The following CCSER1 variants were observed in gnomAD, a reference collection of about 807,000 sequenced individuals.
The protein encoded by CCSER1 is coiled-coil serine rich protein 1, also known as serine-rich coiled-coil domain-containing protein 1.
CCSER1 carries 41 observed loss-of-function variants against 82.0 expected under a neutral mutation model. That is an observed-to-expected ratio of 0.50 (90% CI 0.39 to 0.65). The LOEUF (loss-of-function observed/expected upper bound fraction) is 0.65, where lower values mean the gene tolerates loss of function less well. Among genes scored for constraint, CCSER1 ranks in the 30% least tolerant of loss-of-function variants. The pLI is 0.00. For synonymous variants in CCSER1, 414 were observed against 383.9 expected, an observed-to-expected ratio of 1.08 and a Z score of -0.92; for missense variants, 1,119 against 1,064.2, an observed-to-expected ratio of 1.05 and a Z score of -0.72.
intron 1 of CCSER1, 81 bp from the exon 2 acceptor site, chr4:90,308,163 G>A (rs546558939): frequency 5.4e-5 from 58 of 1,072,224 alleles, no homozygotes; most frequent in South Asian, 1.5e-4. Flanking sequence ...TTTGTGTCTC[G>A]AAAAGCAATA....
chr4:90,230,037 C>A (rs1364430552), intron 1 of CCSER1, among the ~76,000 whole-genome samples: 1 of 152,134 alleles, frequency 6.6e-6, no homozygotes, highest in Non-Finnish European at 1.5e-5. Context: ...CTTTAACACC[C>A]CACTGTCAAC....
At chr4:91,104,655 G>A (rs901848638) in intron 10 of CCSER1, among the ~76,000 whole-genome samples, 2 of 152,178 alleles carry the variant, frequency 1.3e-5, no homozygotes, top group African/African-American at 4.8e-5. Context: ...CCAAGTAGGT[G>A]ACTTTAACAG....
rs532779496 is a variant in CCSER1 at position 90,573,396 on chromosome 4, A to G, written c.1725-54629A>G. On this transcript the variant is annotated intron_variant, in intron 5 of 10. Coordinates refer to ENST00000509176, the MANE Select transcript of CCSER1 (RefSeq NM_001145065.2). ...AGGGATATCCCTAGTGCTGGGTTTT[A>G]TTGTGGTAGGCCCAGTGGTAGAGTC... is the stretch of plus-strand genomic sequence containing the variant. 1.7e-4 allele frequency among the ~76,000 whole-genome samples: 26 copies of G among 152,264 alleles called. No individual in the cohort carries two copies. The South Asian group carries it at 4.6e-3, about 27-fold the overall frequency.
At chr4:91,152,637 G>A (rs1396330337) in intron 10 of CCSER1, among the ~76,000 whole-genome samples, 1 of 152,266 alleles carries the variant, frequency 6.6e-6, no homozygotes, top group East Asian at 1.9e-4. Flanking sequence ...AATTTGGCAT[G>A]TTTTTGCAGT....
intron 1 of CCSER1, among the ~76,000 whole-genome samples, chr4:90,242,920 C>T (rs1420689806): frequency 6.6e-6 from 1 of 152,268 alleles, no homozygotes; most frequent in Non-Finnish European, 1.5e-5. Context: ...CTTTCTACTA[C>T]ATAGTGTGGC....
At chr4:91,156,559 T>A (rs909901154) in intron 10 of CCSER1, among the ~76,000 whole-genome samples, 1 of 151,462 alleles carries the variant, frequency 6.6e-6, no homozygotes, top group Non-Finnish European at 1.5e-5. Context: ...AAATTAAAAT[T>A]ATTAAGTTAA....
chr4:90,907,217 T>G (rs536660165), intron 8 of CCSER1, among the ~76,000 whole-genome samples: 1 of 152,206 alleles, frequency 6.6e-6, no homozygotes, highest in South Asian at 2.1e-4. Context: ...AAGCAGAGTA[T>G]GTTTCTTTAT....
In CCSER1 at chr4:90,612,334, G is replaced by T. The variant is rs17017278; in HGVS notation, c.1725-15691G>T. ...CTTGTTGATAATTCAGTAGGACAGG[G>T]TATTTGGAGAACGGGGTATATTTCA... On this transcript the variant is annotated intron_variant, in intron 5 of 10. Transcript: ENST00000509176. 8.1e-3 allele frequency among the ~76,000 whole-genome samples: 1,238 copies of T among 152,246 alleles called. 7 individuals are homozygous for T. Among genetic ancestry groups the T allele is most frequent in the Middle Eastern group, 0.027 (8 of 294 alleles).
At chr4:90,320,137 T>C (rs1736873012) in intron 3 of CCSER1, among the ~76,000 whole-genome samples, 1 of 152,226 alleles carries the variant, frequency 6.6e-6, no homozygotes, top group Non-Finnish European at 1.5e-5. Flanking sequence ...TTCAATCGTT[T>C]AAATGGAAGG....
At chr4:90,509,239 C>T (rs906505974) in intron 5 of CCSER1, among the ~76,000 whole-genome samples, 1 of 152,022 alleles carries the variant, frequency 6.6e-6, no homozygotes, top group African/African-American at 2.4e-5. Flanking sequence ...AGCAGAAGGC[C>T]AAGTTTTACT....
chr4:91,384,917 C>G (rs1751180101), intron 10 of CCSER1, among the ~76,000 whole-genome samples: 1 of 152,000 alleles, frequency 6.6e-6, no homozygotes, highest in African/African-American at 2.4e-5. Context: ...TTGACAAAAT[C>G]TCAAAAATTT....
At chr4:90,786,740 C>A (rs1290138410) in intron 7 of CCSER1, among the ~76,000 whole-genome samples, 2 of 152,116 alleles carry the variant, frequency 1.3e-5, no homozygotes, top group African/African-American at 4.8e-5. Context: ...TGGGAGGGTT[C>A]CCCACACAGA....
At chr4:90,231,172 A>C (rs1473853277) in intron 1 of CCSER1, among the ~76,000 whole-genome samples, 1 of 152,064 alleles carries the variant, frequency 6.6e-6, no homozygotes, top group Non-Finnish European at 1.5e-5. Flanking sequence ...ACAACCAAAA[A>C]AGACAATTTT....
chr4:90,383,388 C>A (rs1034733576), intron 3 of CCSER1, among the ~76,000 whole-genome samples: 1 of 152,054 alleles, frequency 6.6e-6, no homozygotes, highest in Non-Finnish European at 1.5e-5. Context: ...GAATCACAGG[C>A]CAATAGGTGA....
chr4:91,052,332 A>G (rs543255442), intron 9 of CCSER1, among the ~76,000 whole-genome samples: 5 of 152,260 alleles, frequency 3.3e-5, no homozygotes, highest in Admixed American at 2.0e-4. Context: ...GAAAATTACT[A>G]TATGATAAAA....
chr4:91,540,758 G>A (rs897916460), intron 10 of CCSER1, among the ~76,000 whole-genome samples: 1 of 152,016 alleles, frequency 6.6e-6, no homozygotes. Context: ...ATTTGTTTTT[G>A]CATGTGGATG....
chr4:90,338,707 G>A (rs28497759), intron 3 of CCSER1, among the ~76,000 whole-genome samples: 25 of 152,062 alleles, frequency 1.6e-4, no homozygotes, highest in Non-Finnish European at 3.4e-4. Flanking sequence ...AGACGTACTC[G>A]CCTTCTGATT....
intron 7 of CCSER1, among the ~76,000 whole-genome samples, chr4:90,756,225 C>T (rs1331771015): frequency 6.6e-6 from 1 of 151,772 alleles, no homozygotes; most frequent in Admixed American, 6.6e-5. Flanking sequence ...GAGACTCTGT[C>T]TCAAAAAAAC....
chr4:91,555,012 T>C (rs996667784), intron 10 of CCSER1, among the ~76,000 whole-genome samples: 3 of 151,334 alleles, frequency 2.0e-5, no homozygotes. Flanking sequence ...GACCCTTATC[T>C]CATGCCATAT....
Sources: gnomAD v4.1 joint callset for allele counts (sites outside exome capture counted in the v4.1 genomes callset) on GRCh38, gnomAD v4.1.1 for gene constraint, MANE v1.5 for transcripts, NCBI Gene and HGNC (gene_info 2026-07-23, HGNC 2026-07-21) for gene names.